Variants in COL25A1 observed in about 807,000 individuals in gnomAD.
COL25A1 encodes the protein collagen type XXV alpha 1 chain, also known as collagen alpha-1(XXV) chain.
In COL25A1, 103 loss-of-function variants were observed where a neutral mutation model predicts 128.4. The ratio of observed to expected loss-of-function variants is 0.80; its 90% confidence interval spans 0.68 to 0.94. The LOEUF (loss-of-function observed/expected upper bound fraction) is 0.94. Ranked by LOEUF, COL25A1 falls within the 40% of genes least tolerant of loss-of-function variation. The pLI, the probability that COL25A1 is intolerant of heterozygous loss-of-function variation, is 0.00. For missense variants in COL25A1, 745 were observed against 840.0 expected (o/e 0.89, Z 1.40); for synonymous variants, 279 against 277.2 (o/e 1.01, Z -0.06).
intron 3 of COL25A1, among the ~76,000 whole-genome samples, chr4:109,065,545 CGTGTGTGTGTGTGTGT>C (rs70949065): frequency 7.1e-6 from 1 of 141,130 alleles, no homozygotes; most frequent in Non-Finnish European, 1.5e-5. Context: ...CGCGCGCGCG[CGTGTGTGTGTGTGTGT>C]GTGTGTGTGT....
At chr4:108,890,476 T>C (rs1431502787) in intron 16 of COL25A1, among the ~76,000 whole-genome samples, 2 of 152,178 alleles carry the variant, frequency 1.3e-5, no homozygotes, top group Non-Finnish European at 2.9e-5. Context: ...AATACTTCTC[T>C]AAAGCAAATG....
chr4:109,014,912 A>G (rs1401958927), intron 5 of COL25A1, among the ~76,000 whole-genome samples: 1 of 152,248 alleles, frequency 6.6e-6, no homozygotes, highest in Non-Finnish European at 1.5e-5. Flanking sequence ...AGATTCCAGG[A>G]CTGCCTATAC....
At chr4:108,919,387 ATAGAGACAT>A (rs1366248830) in intron 12 of COL25A1, among the ~76,000 whole-genome samples, 1 of 152,168 alleles carries the variant, frequency 6.6e-6, no homozygotes. Context: ...ACCATGCTTA[ATAGAGACAT>A]TATTGCAAAG....
intron 3 of COL25A1, among the ~76,000 whole-genome samples, chr4:109,126,782 T>C (rs1360710106): frequency 6.6e-6 from 1 of 152,112 alleles, no homozygotes; most frequent in Non-Finnish European, 1.5e-5. Context: ...TTATATTAGA[T>C]AACCTGATAG....
intron 23 of COL25A1, among the ~76,000 whole-genome samples, chr4:108,860,573 C>T (rs1174678414): frequency 2.0e-5 from 3 of 150,982 alleles, no homozygotes; most frequent in South Asian, 4.2e-4. Flanking sequence ...TCATAATTCC[C>T]TTTTTTTTTA....
At chr4:109,094,591 C>G (rs1765233072) in intron 3 of COL25A1, among the ~76,000 whole-genome samples, 2 of 152,306 alleles carry the variant, frequency 1.3e-5, no homozygotes, top group Admixed American at 1.3e-4. Context: ...TAGCTTAATT[C>G]ACATTCATAC....
intron 3 of COL25A1, among the ~76,000 whole-genome samples, chr4:109,284,587 A>G (rs1293179979): frequency 6.6e-6 from 1 of 152,256 alleles, no homozygotes; most frequent in Non-Finnish European, 1.5e-5. Flanking sequence ...AAAAACTACC[A>G]GAAAGCCATG....
chr4:109,223,097 T>C (rs1317328005), intron 3 of COL25A1, among the ~76,000 whole-genome samples: 5 of 152,216 alleles, frequency 3.3e-5, no homozygotes, highest in Non-Finnish European at 7.3e-5. Context: ...ATCTATACAC[T>C]ATTAGGAGAT....
chr4:109,234,722 G>A (rs1779359736), intron 3 of COL25A1, among the ~76,000 whole-genome samples: 1 of 152,046 alleles, frequency 6.6e-6, no homozygotes, highest in Admixed American at 6.6e-5. Flanking sequence ...CAGAACTCTG[G>A]AAATTAACCA....
chr4:108,898,416 A>C (rs1003834162), intron 15 of COL25A1, among the ~76,000 whole-genome samples: 13 of 152,206 alleles, frequency 8.5e-5, no homozygotes, highest in Admixed American at 2.0e-4. Flanking sequence ...ATGATGTAGT[A>C]ACTTGGTAGT....
intron 5 of COL25A1, among the ~76,000 whole-genome samples, chr4:109,012,801 C>T (rs937365136): frequency 3.3e-5 from 5 of 152,194 alleles, no homozygotes; most frequent in Non-Finnish European, 5.9e-5. Context: ...TGACGGGTGC[C>T]GCCCCCTGCT....
intron 3 of COL25A1, among the ~76,000 whole-genome samples, chr4:109,092,352 G>A (rs1017839127): frequency 3.2e-4 from 49 of 152,216 alleles, no homozygotes; most frequent in African/African-American, 1.0e-3. Flanking sequence ...GTGGTGGTGC[G>A]CAGTCTCAGG....
intron 3 of COL25A1, among the ~76,000 whole-genome samples, chr4:109,174,109 CT>C (rs1553950518): frequency 6.6e-6 from 1 of 152,186 alleles, no homozygotes; most frequent in Non-Finnish European, 1.5e-5. Context: ...AGGCTGCTTT[CT>C]AAATTCTGTC....
chr4:108,814,018 G>C, intron 37 of COL25A1, 89 bp from the exon 38 acceptor site: 1 of 1,038,642 alleles, frequency 9.6e-7, no homozygotes, highest in Non-Finnish European at 1.5e-6. Flanking sequence ...CAGAAAACTG[G>C]TAGAACCTTG....
At chr4:108,953,590 G>A (rs1249771846) in intron 8 of COL25A1, among the ~76,000 whole-genome samples, 1 of 152,174 alleles carries the variant, frequency 6.6e-6, no homozygotes, top group Non-Finnish European at 1.5e-5. Flanking sequence ...GAAGAGTGAA[G>A]CTGGGGCTGA....
intron 3 of COL25A1, among the ~76,000 whole-genome samples, chr4:109,239,725 A>AT (rs1326977218): frequency 2.6e-5 from 4 of 151,766 alleles, no homozygotes; most frequent in Non-Finnish European, 4.4e-5. Flanking sequence ...CACTAAATTT[A>AT]TTTTTTAAAA....
In COL25A1 at chr4:109,254,509, A is replaced by ATG. The variant is rs1184258255; in HGVS notation, c.367+46072_367+46073dup. Among the ~76,000 whole-genome samples, 25 of 104,538 alleles carry ATG rather than the reference A, an allele frequency of 2.4e-4. 1 individual carries two copies. Among genetic ancestry groups the ATG allele is most frequent in the African/African-American group, 8.9e-4 (24 of 27,034 alleles). 68.6% of individuals were successfully genotyped at this position (104,538 alleles called of 152,430 possible). A position where few individuals can be genotyped will look rare whatever the true frequency, so the allele number is the denominator to read the frequency against. ...TATATATATATATATATATATATGT[A>ATG]TGTGTGTATATACATATACATATAT... On this transcript the variant is annotated intron_variant, in intron 3 of 37. Transcript: ENST00000399132.
At chr4:109,249,060 C>T (rs983406908) in intron 3 of COL25A1, among the ~76,000 whole-genome samples, 1 of 152,174 alleles carries the variant, frequency 6.6e-6, no homozygotes, top group African/African-American at 2.4e-5. Flanking sequence ...AACTTACATA[C>T]ATGGTAGACA....
intron 22 of COL25A1, among the ~76,000 whole-genome samples, chr4:108,862,072 A>G (rs1001934956): frequency 6.6e-6 from 1 of 152,192 alleles, no homozygotes; most frequent in African/African-American, 2.4e-5. Context: ...AAAGAGTATG[A>G]TATAGAGGAG....
Sources: allele counts gnomAD v4.1 joint callset (sites outside exome capture counted in the v4.1 genomes callset), GRCh38; gene constraint gnomAD v4.1.1; transcripts MANE v1.5; gene names NCBI Gene and HGNC (gene_info 2026-07-23, HGNC 2026-07-21).